ZNF705G: variants seen among roughly 807,000 people sequenced by gnomAD.
The protein encoded by ZNF705G is putative zinc finger protein 705G.
ZNF705G carries 23 observed loss-of-function variants against 19.6 expected under a neutral mutation model. The observed-to-expected ratio is 1.17, with a 90% confidence interval of 0.84 to 1.66. The LOEUF is 1.66. Ranked by LOEUF, ZNF705G falls within the 40% of genes most tolerant of loss-of-function variation. ZNF705G has a pLI of 0.00. For missense variants in ZNF705G, 457 were observed against 354.4 expected, an observed-to-expected ratio of 1.29 and a Z score of -2.32; for synonymous variants, 146 against 117.7, an observed-to-expected ratio of 1.24 and a Z score of -1.56.
rs2719530 is a variant in ZNF705G, at chr8:7,380,325, G to A, written c.-72+1127C>T. On this transcript the variant is annotated intron_variant, in intron 2 of 6. Transcript: ENST00000400156. ...CACTACCCAAGGTCGTTGTCCAGGA[G>A]GCTGGGGATCAACCCACACTGCTGT... 4.8e-5 allele frequency among the ~76,000 whole-genome samples: 7 copies of A among 147,250 alleles called. 2 individuals are homozygous for A. The highest frequency in any genetic ancestry group is 1.4e-4 in the African/African-American group (5 of 36,728).
Position 7,367,452 on chromosome 8 carries a change from A to G in ZNF705G, c.-71-4435T>C, listed in dbSNP as rs945697632. On this transcript the variant is annotated intron_variant, in intron 2 of 6. Coordinates refer to ENST00000400156, the MANE Select transcript of ZNF705G (RefSeq NM_001164457.3). ...TGTTAAGAGACAAAAATGGCAAAGCATAATCTTCCGGGGGCACGCTCCACC... is the reference window on the plus strand; with the variant it reads ...TGTTAAGAGACAAAAATGGCAAAGCGTAATCTTCCGGGGGCACGCTCCACC... Among the ~76,000 whole-genome samples, 4 of 149,580 alleles carry G rather than the reference A, an allele frequency of 2.7e-5. 1 individual carries two copies. Among genetic ancestry groups the G allele is most frequent in the African/African-American group, 1.0e-4 (4 of 38,956 alleles).
intron 2 of ZNF705G, among the ~76,000 whole-genome samples, chr8:7,371,516 G>C (rs1174973314): frequency 9.2e-6 from 1 of 108,722 alleles, no homozygotes. Context: ...GGGGACTTAG[G>C]GAGGTGAAGG....
In ZNF705G at chr8:7,361,249, A is replaced by G; in HGVS notation, c.13-13T>C. The G allele has an allele frequency of 1.9e-6, 3 of 1,592,572 alleles. No homozygotes were observed. The highest frequency in any genetic ancestry group is 8.5e-7 in the Non-Finnish European group (1 of 1,179,300). ...AAGTCAGTTTCTTCTAAAACATCAC[A>G]GACATTTTAGTTTAGACAGAGAAAT... On this transcript the variant is annotated splice_polypyrimidine_tract_variant and intron_variant, in intron 3 of 6. Coordinates refer to ENST00000400156, the MANE Select transcript of ZNF705G (RefSeq NM_001164457.3).
In ZNF705G at chr8:7,385,039, A is replaced by T. The variant is rs549503141; in HGVS notation, c.-222+459T>A. ...AAAGAAAGATAATATTTTTTGAATA[A>T]AGGAACACATCTCTAGTGAGATAAA... On this transcript the variant is annotated intron_variant, in intron 1 of 6. Transcript: ENST00000400156. 5.4e-5 allele frequency among the ~76,000 whole-genome samples: 8 copies of T among 147,394 alleles called. No homozygotes were observed. In the South Asian group the frequency reaches 1.3e-3, roughly 23 times the overall value.
At chr8:7,379,634 A>G (rs1487612806) in intron 2 of ZNF705G, among the ~76,000 whole-genome samples, 1 of 147,322 alleles carries the variant, frequency 6.8e-6, no homozygotes, top group African/African-American at 2.7e-5. Flanking sequence ...ATCAGCTTAA[A>G]GCCAGGACAG....
rs746548227 is a variant in ZNF705G, at chr8:7,359,571, A to C, written c.318+48T>G. 23 of 1,602,160 alleles carry C rather than the reference A, an allele frequency of 1.4e-5. 1 individual carries two copies. In the South Asian group the frequency reaches 2.5e-4, roughly 17 times the overall value. ...TGCTTCATTACTAACTTAATCCATT[A>C]ACATGTCTTTAACTTAGATGACTGG... On this transcript the variant is annotated intron_variant, in intron 6 of 6. Coordinates refer to ENST00000400156, the MANE Select transcript of ZNF705G (RefSeq NM_001164457.3).
intron 2 of ZNF705G, among the ~76,000 whole-genome samples, chr8:7,364,643 A>T (rs1806776322): frequency 6.7e-6 from 1 of 149,708 alleles, no homozygotes; most frequent in Non-Finnish European, 1.5e-5. Context: ...TCCAGTATTT[A>T]GACCCCAGGT....
At chr8:7,383,913 G>T (rs1807617657) in intron 1 of ZNF705G, among the ~76,000 whole-genome samples, 1 of 141,818 alleles carries the variant, frequency 7.1e-6, no homozygotes, top group Non-Finnish European at 1.5e-5. Context: ...GACTAAGGCA[G>T]GAAGGAAGGA....
intron 2 of ZNF705G, among the ~76,000 whole-genome samples, chr8:7,365,899 A>G (rs917839810): frequency 6.0e-5 from 9 of 149,456 alleles, no homozygotes; most frequent in Non-Finnish European, 1.2e-4. Context: ...ACTGATGTCT[A>G]TATTGTTTTG....
Position 7,356,249 on chromosome 8 carries a change from C to T in ZNF705G, c.*1727G>A, listed in dbSNP as rs1451683860. 1 of 149,388 alleles carries T rather than the reference C, an allele frequency of 6.7e-6. No individual in the cohort carries two copies. The highest frequency in any genetic ancestry group is 1.5e-5 in the Non-Finnish European group (1 of 68,034). The allele number at this position is 149,388 out of a possible 1,614,324, so 9.3% of individuals were successfully genotyped here. On this transcript the variant is annotated 3_prime_UTR_variant, in exon 7 of 7. Coordinates refer to ENST00000400156, the MANE Select transcript of ZNF705G (RefSeq NM_001164457.3). ...TGACAGGTTCGGCTGTTTTATCATG[C>T]TGGTGTTTTATCTTCTGGACTGCAG...
chr8:7,361,175 T>A lies in ZNF705G; in HGVS notation c.74A>T (p.Asp25Val), dbSNP rs777288929. 3.8e-6 allele frequency: 6 copies of A among 1,593,132 alleles called. No homozygotes were observed. In the South Asian group the frequency reaches 6.6e-5, roughly 18 times the overall value. ...DFTQEEWAMM[D>V]TSKRKLYRDV... ...TCTGTACAGCTTTCTCTTGGATGTGTCCATCATGGCCCACTCTTCCTGGGT... is the reference window on the plus strand; with the variant it reads ...TCTGTACAGCTTTCTCTTGGATGTGACCATCATGGCCCACTCTTCCTGGGT... The change falls in exon 4 of 7, where the codon GAC (aspartate) becomes GTC (valine). Residue 25 changes from aspartate (D) to valine (V), a missense_variant. Physicochemically the swap from Asp to Val is radical, Grantham distance 152. Transcript: ENST00000400156.
intron 6 of ZNF705G, among the ~76,000 whole-genome samples, 151 bp from the exon 7 acceptor site, chr8:7,358,711 G>C (rs1300261436): frequency 1.3e-5 from 2 of 149,360 alleles, no homozygotes; most frequent in Non-Finnish European, 2.9e-5. Context: ...ATTAAATTTT[G>C]GGACCCCAAA....
chr8:7,369,433 C>T (rs1214217524), intron 2 of ZNF705G, among the ~76,000 whole-genome samples: 2 of 149,472 alleles, frequency 1.3e-5, no homozygotes, highest in Admixed American at 1.3e-4. Flanking sequence ...TCTGAGAAGA[C>T]AGCCACCATC....
intron 2 of ZNF705G, among the ~76,000 whole-genome samples, chr8:7,363,836 T>C (rs1233006972): frequency 6.7e-6 from 1 of 148,888 alleles, no homozygotes; most frequent in Non-Finnish European, 1.5e-5. Context: ...AAAAAATCTG[T>C]TTTAGGATGG....
chr8:7,359,567 C>G, intron 6 of ZNF705G, 52 bp downstream of exon 6: 4 of 1,600,802 alleles, frequency 2.5e-6, no homozygotes, highest in Non-Finnish European at 3.4e-6. Context: ...TAACTTAATC[C>G]ATTAACATGT....
intron 2 of ZNF705G, among the ~76,000 whole-genome samples, chr8:7,365,527 C>T (rs1319363045): frequency 4.7e-5 from 7 of 149,040 alleles, no homozygotes; most frequent in African/African-American, 1.6e-4. Context: ...GACAGGCTTG[C>T]GCCATCGTGC....
chr8:7,370,357 TA>T (rs1469433296), intron 2 of ZNF705G, among the ~76,000 whole-genome samples: 1 of 149,256 alleles, frequency 6.7e-6, no homozygotes, highest in Non-Finnish European at 1.5e-5. Flanking sequence ...AAAAAATTCT[TA>T]CCATCTCTAA....
chr8:7,362,981 G>T lies in ZNF705G; in HGVS notation c.-35C>A, dbSNP rs1189763557. On this transcript the variant is annotated 5_prime_UTR_variant, in exon 3 of 7. Coordinates refer to ENST00000400156, the MANE Select transcript of ZNF705G (RefSeq NM_001164457.3). The stretch of plus-strand genomic sequence containing the variant: ...CTCAGTTTCTCTCTGTCTTCCTCTG[G>T]ATTTCCACTTGCAGACACTTTAGGC... 8 of 1,589,844 alleles carry T rather than the reference G, an allele frequency of 5.0e-6. No homozygotes were observed. The highest frequency in any genetic ancestry group is 2.8e-5 in the African/African-American group (2 of 70,254).
At chr8:7,380,777 T>C (rs1732265847) in intron 2 of ZNF705G, among the ~76,000 whole-genome samples, 1 of 146,200 alleles carries the variant, frequency 6.8e-6, no homozygotes, top group South Asian at 2.1e-4. Context: ...CCTAGCACTT[T>C]GGAAGGCTGA....
Sources: gnomAD v4.1 joint callset for allele counts (sites outside exome capture counted in the v4.1 genomes callset) on GRCh38, gnomAD v4.1.1 for gene constraint, MANE v1.5 for transcripts, NCBI Gene and HGNC (gene_info 2026-07-23, HGNC 2026-07-21) for gene names.